The following GPC6 variants were observed in gnomAD, a reference collection of about 807,000 sequenced individuals.
GPC6 encodes glypican 6, also known as glypican-6.
GPC6 carries 14 observed loss-of-function variants against 55.2 expected under a neutral mutation model. The ratio of observed to expected loss-of-function variants is 0.25; its 90% confidence interval spans 0.17 to 0.40. The LOEUF (loss-of-function observed/expected upper bound fraction) is 0.40. Ranked by LOEUF, GPC6 falls within the 10% of genes least tolerant of loss-of-function variation. The pLI is 1.00. For missense variants in GPC6, 641 were observed against 708.5 expected (o/e 0.90, Z 1.08); for synonymous variants, 278 against 259.6 (o/e 1.07, Z -0.68).
rs78640347 is a variant in GPC6 at position 93,741,215 on chromosome 13, C to T, written c.320-88939C>T. Among the ~76,000 whole-genome samples, 229 of 146,050 alleles carry T rather than the reference C, an allele frequency of 1.6e-3. 5 individuals are homozygous for T. The East Asian group carries it at 0.04, about 25-fold the overall frequency. On this transcript the variant is annotated intron_variant, in intron 2 of 8. Transcript: ENST00000377047. The stretch of plus-strand genomic sequence containing the variant: ...CTGCAAGCTCCGCCTCCCAGGTTCA[C>T]GCCATTCTCCTGCCTCAGCCTCCCG...
At chr13:93,812,146 G>C (rs1351755330) in intron 2 of GPC6, among the ~76,000 whole-genome samples, 1 of 141,884 alleles carries the variant, frequency 7.0e-6, no homozygotes, top group Non-Finnish European at 1.6e-5. Context: ...AGGCGGTGGG[G>C]GGGGGGGCGG....
At chr13:93,576,853 G>C (rs1876691634) in intron 2 of GPC6, among the ~76,000 whole-genome samples, 1 of 152,126 alleles carries the variant, frequency 6.6e-6, no homozygotes. Flanking sequence ...TTATGGACAG[G>C]AGAGAACTTG....
chr13:93,231,132 T>C (rs931491887), intron 1 of GPC6, among the ~76,000 whole-genome samples: 4 of 151,598 alleles, frequency 2.6e-5, no homozygotes, highest in African/African-American at 9.7e-5. Context: ...AAAGGCTGTG[T>C]GACAGGAACT....
intron 3 of GPC6, among the ~76,000 whole-genome samples, chr13:94,015,769 T>G (rs112866367): frequency 4.6e-5 from 7 of 152,304 alleles, no homozygotes; most frequent in African/African-American, 1.4e-4. Context: ...CTTTCCTCCT[T>G]GAATGGTCTT....
intron 4 of GPC6, among the ~76,000 whole-genome samples, chr13:94,235,888 C>A (rs1890863994): frequency 6.6e-6 from 1 of 152,136 alleles, no homozygotes; most frequent in South Asian, 2.1e-4. Context: ...CTAGAAGACA[C>A]CTTTGAGGTC....
intron 1 of GPC6, among the ~76,000 whole-genome samples, chr13:93,450,242 G>A (rs778473038): frequency 6.6e-6 from 1 of 152,212 alleles, no homozygotes; most frequent in Non-Finnish European, 1.5e-5. Context: ...GACAGAGAAA[G>A]TAACATAAAA....
At chr13:93,719,590 G>C (rs909726163) in intron 2 of GPC6, among the ~76,000 whole-genome samples, 6 of 151,978 alleles carry the variant, frequency 3.9e-5, no homozygotes, top group Non-Finnish European at 5.9e-5. Flanking sequence ...TCTCTTGCCT[G>C]ATTGCCCTGG....
intron 1 of GPC6, among the ~76,000 whole-genome samples, chr13:93,360,599 T>C (rs1881010630): frequency 6.6e-6 from 1 of 152,176 alleles, no homozygotes; most frequent in Non-Finnish European, 1.5e-5. Context: ...ACAAATTAGA[T>C]GTGCAGCAAA....
At chr13:93,356,664 G>A (rs539372842) in intron 1 of GPC6, among the ~76,000 whole-genome samples, 1 of 152,170 alleles carries the variant, frequency 6.6e-6, no homozygotes, top group African/African-American at 2.4e-5. Context: ...AGGCAAACAC[G>A]GCCAGCAGCA....
At chr13:93,438,012 C>T (rs1481589755) in intron 1 of GPC6, among the ~76,000 whole-genome samples, 4 of 152,112 alleles carry the variant, frequency 2.6e-5, no homozygotes, top group Non-Finnish European at 5.9e-5. Flanking sequence ...ATGATAAATC[C>T]ACTCTGACTG....
At chr13:93,483,074 C>T (rs1159031569) in intron 1 of GPC6, among the ~76,000 whole-genome samples, 1 of 152,138 alleles carries the variant, frequency 6.6e-6, no homozygotes, top group African/African-American at 2.4e-5. Context: ...GATTTTCTGA[C>T]TTTGATCACT....
At chr13:94,134,395 G>A (rs1430394743) in intron 4 of GPC6, among the ~76,000 whole-genome samples, 3 of 152,156 alleles carry the variant, frequency 2.0e-5, no homozygotes, top group Admixed American at 2.0e-4. Flanking sequence ...TAGATCCTAG[G>A]AAGGGCCACA....
intron 4 of GPC6, among the ~76,000 whole-genome samples, chr13:94,241,284 C>G (rs1170506746): frequency 6.6e-6 from 1 of 152,122 alleles, no homozygotes; most frequent in Non-Finnish European, 1.5e-5. Context: ...TTCAAGCCAC[C>G]TACTTTATGG....
chr13:94,356,688 G>T (rs1448265509), intron 6 of GPC6, among the ~76,000 whole-genome samples: 2 of 152,182 alleles, frequency 1.3e-5, no homozygotes, highest in Non-Finnish European at 2.9e-5. Context: ...GCTTGAGCTG[G>T]CAGGGAGCAC....
chr13:94,188,171 C>A (rs117949905), intron 4 of GPC6, among the ~76,000 whole-genome samples: 284 of 152,300 alleles, frequency 1.9e-3, no homozygotes, highest in Non-Finnish European at 3.3e-3. Context: ...GTCTCAGTGA[C>A]CTAGAAAGGA....
intron 1 of GPC6, among the ~76,000 whole-genome samples, chr13:93,489,607 G>T (rs917653772): frequency 4.7e-4 from 71 of 151,632 alleles, no homozygotes; most frequent in African/African-American, 1.6e-3. Flanking sequence ...CCATGAGCAT[G>T]GAATGTTCTT....
chr13:93,552,211 A>T (rs374578440), intron 2 of GPC6, among the ~76,000 whole-genome samples: 1 of 152,236 alleles, frequency 6.6e-6, no homozygotes, highest in African/African-American at 2.4e-5. Context: ...TCTCACTGGC[A>T]TGGGAAAGTA....
At chr13:94,120,238 G>T (rs1407571005) in intron 4 of GPC6, among the ~76,000 whole-genome samples, 1 of 152,088 alleles carries the variant, frequency 6.6e-6, no homozygotes, top group African/African-American at 2.4e-5. Context: ...GGATCGCAGT[G>T]CTGTTCTGAA....
chr13:93,361,345 C>G (rs183908266), intron 1 of GPC6, among the ~76,000 whole-genome samples: 1 of 152,266 alleles, frequency 6.6e-6, no homozygotes, highest in Admixed American at 6.5e-5. Context: ...AAGCATCTGG[C>G]AGCCTGTTTT....
Sources: allele counts gnomAD v4.1 joint callset (sites outside exome capture counted in the v4.1 genomes callset), GRCh38; gene constraint gnomAD v4.1.1; transcripts MANE v1.5; gene names NCBI Gene and HGNC (gene_info 2026-07-23, HGNC 2026-07-21).